Variants in EMILIN2 observed in about 807,000 individuals in gnomAD.
EMILIN2 encodes elastin microfibril interfacer 2, also known as EMILIN-2.
EMILIN2 carries 71 observed loss-of-function variants against 87.1 expected under a neutral mutation model. The ratio of observed to expected loss-of-function variants is 0.82; its 90% CI spans 0.67 to 0.99. The LOEUF (loss-of-function observed/expected upper bound fraction) is 0.99. EMILIN2 is among the 50% of genes least tolerant of loss of function. The pLI, the probability that EMILIN2 is intolerant of heterozygous loss-of-function variation, is 0.00. For synonymous variants in EMILIN2, 581 were observed against 563.4 expected (o/e 1.03, Z -0.44); for missense variants, 1,407 against 1,371.8 (o/e 1.03, Z -0.40).
rs1331162960 is a variant in EMILIN2, at chr18:2,915,515, G to A, written c.*2111G>A. ...AACCCTGAGACAGAATCAGGCACAA[G>A]TTCACAACTTTTTTTTTTTTTTGGG... On this transcript the variant is annotated 3_prime_UTR_variant, in exon 8 of 8. Transcript: ENST00000254528. 1 of 143,338 alleles carries A rather than the reference G, an allele frequency of 7.0e-6. No individual in the cohort carries two copies. The highest frequency in any genetic ancestry group is 1.6e-5 in the Non-Finnish European group (1 of 64,516). The allele number at this position is 143,338 out of a possible 1,614,324, so 8.9% of individuals were successfully genotyped here.
intron 4 of EMILIN2, among the ~76,000 whole-genome samples, chr18:2,900,328 C>A (rs1313280352): frequency 1.3e-5 from 2 of 152,200 alleles, no homozygotes; most frequent in South Asian, 4.1e-4. Flanking sequence ...GCCAGAACTA[C>A]AAGCACACAT....
intron 2 of EMILIN2, among the ~76,000 whole-genome samples, chr18:2,864,262 T>C (rs1156587730): frequency 1.3e-5 from 2 of 152,218 alleles, no homozygotes; most frequent in African/African-American, 4.8e-5. Context: ...ATCCTGTCAT[T>C]ATGTTGTTAG....
At chr18:2,860,256 C>CTT in intron 2 of EMILIN2, among the ~76,000 whole-genome samples, 1 of 151,872 alleles carries the variant, frequency 6.6e-6, no homozygotes, top group African/African-American at 2.4e-5. Context: ...TTTTAATATA[C>CTT]TTTAAGTTTT....
intron 2 of EMILIN2, among the ~76,000 whole-genome samples, chr18:2,861,449 A>T (rs190278023): frequency 6.6e-6 from 1 of 152,146 alleles, no homozygotes; most frequent in Non-Finnish European, 1.5e-5. Context: ...CTTTCTCCAT[A>T]TGGCTAGCCA....
intron 4 of EMILIN2, among the ~76,000 whole-genome samples, chr18:2,899,354 A>C (rs2076878099): frequency 6.6e-6 from 1 of 152,182 alleles, no homozygotes; most frequent in South Asian, 2.1e-4. Flanking sequence ...GCTTTGTGTG[A>C]GCCCACTTAC....
Position 2,848,603 on chromosome 18 carries a change from A to AC in EMILIN2, c.257+672_257+673insC, listed in dbSNP as rs2076588324. ...AAGATTTCCCCATCTTAAAAAAAAA[A>AC]AAAAACAGGAAGCAATGCAATAAAG... On this transcript the variant is annotated intron_variant, in intron 2 of 7. Transcript: ENST00000254528. This position sits in a 1 kb window ranked among gnomAD's most constrained non-coding sequence, Gnocchi z 4.1. Among the ~76,000 whole-genome samples the AC allele has an allele frequency of 6.6e-6, 1 of 152,044 alleles. No individual in the cohort carries two copies. The highest frequency in any genetic ancestry group is 2.1e-4 in the South Asian group (1 of 4,808).
At chr18:2,873,180 G>A (rs894848665) in intron 2 of EMILIN2, among the ~76,000 whole-genome samples, 9 of 152,210 alleles carry the variant, frequency 5.9e-5, no homozygotes. Flanking sequence ...GGAGGCCGAG[G>A]CAGGTGGATC....
intron 2 of EMILIN2, among the ~76,000 whole-genome samples, chr18:2,876,198 G>T (rs1353234349): frequency 6.6e-6 from 1 of 151,578 alleles, no homozygotes. Context: ...AGCCAGGATG[G>T]TCTCGATCTC....
In EMILIN2 at chr18:2,906,859, C is replaced by A. The variant is rs1322418564; in HGVS notation, c.2436C>A (p.Ser812Arg). 1 of 1,360,372 alleles carries A rather than the reference C, an allele frequency of 7.4e-7. No homozygotes were observed. The highest frequency in any genetic ancestry group is 9.5e-7 in the Non-Finnish European group (1 of 1,056,422). The allele number at this position is 1,360,372 out of a possible 1,614,324, so 84.3% of individuals were successfully genotyped here. The change falls in exon 5 of 8, where the codon AGC (serine) becomes AGA (arginine). Residue 812 changes from serine to arginine, a missense_variant. Coordinates refer to ENST00000254528, the MANE Select transcript of EMILIN2 (RefSeq NM_032048.3). The stretch of plus-strand genomic sequence containing the variant: ...CCGAGCCCGCCCCGCCGAGGCCCAG[C>A]GGCCCCGCAACCGCAGAGGACCCTG... ...LQPEPAPPRP[S>R]GPATAEDPGR...
chr18:2,893,114 T>C (rs1240145362), intron 4 of EMILIN2, among the ~76,000 whole-genome samples: 1 of 152,046 alleles, frequency 6.6e-6, no homozygotes, highest in Non-Finnish European at 1.5e-5. Context: ...TACAAAAATA[T>C]CAGTTCACAA....
intron 2 of EMILIN2, among the ~76,000 whole-genome samples, chr18:2,875,081 C>T (rs1055878099): frequency 1.3e-5 from 2 of 152,256 alleles, no homozygotes; most frequent in Non-Finnish European, 1.5e-5. Flanking sequence ...CACAGGGTGA[C>T]CAAAGTCCTT....
At chr18:2,906,392 G>A (rs1321381559) in intron 4 of EMILIN2, 3 of 161,408 alleles carry the variant, frequency 1.9e-5, no homozygotes, top group Non-Finnish European at 2.7e-5. Context: ...CCCGGCAGGA[G>A]TGTGGTTCAG....
At chr18:2,902,618 T>C (rs964051071) in intron 4 of EMILIN2, among the ~76,000 whole-genome samples, 9 of 152,170 alleles carry the variant, frequency 5.9e-5, no homozygotes, top group Non-Finnish European at 7.3e-5. Context: ...AGCATACTGA[T>C]GGCAGCCAAA....
intron 7 of EMILIN2, among the ~76,000 whole-genome samples, chr18:2,911,889 T>TGGTGCTGGCCTCAGGGCC (rs146424771): frequency 0.073 from 11,162 of 152,204 alleles, 432 homozygotes; most frequent in Middle Eastern, 0.11. Flanking sequence ...ACGCCAGGGC[T>TGGTGCTGGCCTCAGGGCC]GGTGCTGGCC....
rs750986289 is a variant in EMILIN2 at position 2,909,760 on chromosome 18, G to T, written c.2765G>T (p.Gly922Val). The change falls in exon 7 of 8, where the codon GGC (glycine) becomes GTC (valine). Residue 922 changes from glycine to valine, a missense_variant. Physicochemically the swap from Gly to Val is moderately radical, Grantham distance 109. Transcript: ENST00000254528. Reference sequence around the variant, plus strand: ...CAGAAGCCTTTCCCCAGTGATGGGGGCGTTGTCCTCTTTAACAAAGTGCTG... The same window carrying T: ...CAGAAGCCTTTCCCCAGTGATGGGGTCGTTGTCCTCTTTAACAAAGTGCTG... ...LTQKPFPSDG[G>V]VVLFNKVLVN... 4.3e-6 allele frequency: 7 copies of T among 1,612,860 alleles called. No individual in the cohort carries two copies. In the Admixed American group the frequency reaches 1.2e-4, roughly 27 times the overall value.
chr18:2,882,745 T>C (rs1485846414), intron 2 of EMILIN2, among the ~76,000 whole-genome samples: 1 of 151,934 alleles, frequency 6.6e-6, no homozygotes, highest in African/African-American at 2.4e-5. Context: ...TAACCAGGCA[T>C]GGTGGTGGGT....
At chr18:2,856,811 C>T (rs1357827388) in intron 2 of EMILIN2, among the ~76,000 whole-genome samples, 6 of 152,208 alleles carry the variant, frequency 3.9e-5, no homozygotes, top group Admixed American at 3.3e-4. Context: ...TACAGCTGAG[C>T]ATGATTTCTC....
At chr18:2,858,008 T>C (rs746329126) in intron 2 of EMILIN2, among the ~76,000 whole-genome samples, 22 of 152,130 alleles carry the variant, frequency 1.4e-4, no homozygotes, top group Non-Finnish European at 3.1e-4. Context: ...CAGATCTCCT[T>C]CTCACGGCCG....
intron 4 of EMILIN2, among the ~76,000 whole-genome samples, chr18:2,897,500 C>T (rs1166721734): frequency 1.3e-5 from 2 of 152,178 alleles, no homozygotes; most frequent in Non-Finnish European, 2.9e-5. Flanking sequence ...TAGGTGGCCA[C>T]AGGTTTTTTT....
Sources: allele counts gnomAD v4.1 joint callset (sites outside exome capture counted in the v4.1 genomes callset), GRCh38; gene constraint gnomAD v4.1.1; non-coding constraint Gnocchi (gnomAD v3.1); transcripts MANE v1.5; gene names NCBI Gene and HGNC (gene_info 2026-07-23, HGNC 2026-07-21).